SV2B: variants seen among roughly 807,000 people sequenced by gnomAD.
SV2B encodes the protein solute carrier family 22 member B2.
In SV2B, 41 loss-of-function variants were observed where a neutral mutation model predicts 73.9. The ratio of observed to expected loss-of-function variants is 0.56; its 90% CI spans 0.43 to 0.72. The LOEUF (loss-of-function observed/expected upper bound fraction) is 0.72. SV2B is among the 30% of genes least tolerant of loss of function. The probability of loss-of-function intolerance (pLI) is 0.00; values close to 1 mark genes in which losing one functional copy is unlikely to be tolerated. For missense variants in SV2B, 764 were observed against 857.8 expected (o/e 0.89, Z 1.37); for synonymous variants, 314 against 314.2 (o/e 1.00, Z 0.01).
At chr15:91,164,514 A>G (rs1441699277) in intron 1 of SV2B, among the ~76,000 whole-genome samples, 2 of 152,194 alleles carry the variant, frequency 1.3e-5, no homozygotes, top group African/African-American at 4.8e-5. Context: ...TAAAGAGTTT[A>G]TGTAATTGTC....
Position 91,283,182 on chromosome 15 carries a change from C to T in SV2B, c.1508-839C>T, listed in dbSNP as rs189880821. On this transcript the variant is annotated intron_variant, in intron 10 of 12. Transcript: ENST00000394232. The surrounding 1 kb of genome is among the most constrained non-coding windows in gnomAD (Gnocchi z 4.3). Reference sequence around the variant, plus strand: ...CTGTTTAGTACTTTTTCTGTCAGAACAGCTGATCTTAGAAGGTGTCAGAAG... The same window carrying T: ...CTGTTTAGTACTTTTTCTGTCAGAATAGCTGATCTTAGAAGGTGTCAGAAG... Among the ~76,000 whole-genome samples the T allele has an allele frequency of 6.6e-6, 1 of 152,358 alleles. No homozygotes were observed. Among genetic ancestry groups the T allele is most frequent in the African/African-American group, 2.4e-5 (1 of 41,588 alleles).
intron 1 of SV2B, among the ~76,000 whole-genome samples, chr15:91,211,507 C>CT (rs1338583137): frequency 0.021 from 2,896 of 140,006 alleles, 76 homozygotes; most frequent in African/African-American, 0.059. Flanking sequence ...CTTCTTCTTC[C>CT]TTTTTTTTTT....
chr15:91,258,642 C>T lies in SV2B; in HGVS notation c.918+88C>T, dbSNP rs1596714970. The stretch of plus-strand genomic sequence containing the variant: ...TTCCTTCTCTCAGCTCCTAGTCCCA[C>T]ATCCTCTGCTGCTTATGTGTTGCAA... On this transcript the variant is annotated intron_variant, in intron 5 of 12. Coordinates refer to ENST00000394232, the MANE Select transcript of SV2B (RefSeq NM_001323032.3). The surrounding 1 kb of genome is among the most constrained non-coding windows in gnomAD (Gnocchi z 4.7). 2 of 1,575,932 alleles carry T rather than the reference C, an allele frequency of 1.3e-6. No homozygotes were observed. Among genetic ancestry groups the T allele is most frequent in the East Asian group, 4.5e-5 (2 of 44,558 alleles).
At chr15:91,143,342 A>G (rs2043052104) in intron 1 of SV2B, among the ~76,000 whole-genome samples, 1 of 152,216 alleles carries the variant, frequency 6.6e-6, no homozygotes, top group Admixed American at 6.5e-5. Flanking sequence ...GTTGATTGTC[A>G]TGCACACCCA....
In SV2B at chr15:91,295,210, T is replaced by C. The variant is rs1238199705; in HGVS notation, c.*2658T>C. On this transcript the variant is annotated 3_prime_UTR_variant, in exon 13 of 13. Coordinates refer to ENST00000394232, the MANE Select transcript of SV2B (RefSeq NM_001323032.3). ...CCAGCTTGGAAATAGTTGCTTTCCA[T>C]AGTCTCAACTGTATTGTGTCATCTC... 1 of 152,336 alleles carries C rather than the reference T, an allele frequency of 6.6e-6. No individual in the cohort carries two copies. The highest frequency in any genetic ancestry group is 1.5e-5 in the Non-Finnish European group (1 of 68,050). The allele number at this position is 152,336 out of a possible 1,614,324, so 9.4% of individuals were successfully genotyped here. A position where few individuals can be genotyped will look rare whatever the true frequency, so the allele number is the denominator to read the frequency against.
At chr15:91,170,440 A>C (rs1161513976) in intron 1 of SV2B, among the ~76,000 whole-genome samples, 1 of 152,174 alleles carries the variant, frequency 6.6e-6, no homozygotes, top group Non-Finnish European at 1.5e-5. Context: ...GGCATGTGCC[A>C]CCACACCCAG....
chr15:91,210,501 G>A (rs556319487), intron 1 of SV2B, among the ~76,000 whole-genome samples: 31 of 152,280 alleles, frequency 2.0e-4, no homozygotes, highest in Admixed American at 3.3e-4. Context: ...GGCAAATTGA[G>A]ACATAAAGAG....
chr15:91,188,940 C>T (rs1368953746), intron 1 of SV2B, among the ~76,000 whole-genome samples: 2 of 152,106 alleles, frequency 1.3e-5, no homozygotes, highest in African/African-American at 2.4e-5. Context: ...GATTCTCTAG[C>T]CTCGGCCTCC....
Position 91,266,847 on chromosome 15 carries a change from A to T in SV2B, c.1119+155A>T, listed in dbSNP as rs1440509038. The T allele has an allele frequency of 7.1e-6, 4 of 561,770 alleles. No homozygotes were observed. The East Asian group carries it at 1.2e-4, about 17-fold the overall frequency. 34.8% of individuals were successfully genotyped at this position (561,770 alleles called of 1,614,324 possible). ...GAGGGGGGCGTTTGGGCTCCAGCCCACGTCTGCCTCTAGCTTGCTGTGTGC... is the reference window on the plus strand; with the variant it reads ...GAGGGGGGCGTTTGGGCTCCAGCCCTCGTCTGCCTCTAGCTTGCTGTGTGC... On this transcript the variant is annotated intron_variant, in intron 7 of 12. Coordinates refer to ENST00000394232, the MANE Select transcript of SV2B (RefSeq NM_001323032.3).
Position 91,258,311 on chromosome 15 carries a change from C to T in SV2B, c.785-110C>T, listed in dbSNP as rs771801131. 4.5e-5 allele frequency: 66 copies of T among 1,479,910 alleles called. No individual in the cohort carries two copies. The Middle Eastern group carries it at 6.2e-4, about 14-fold the overall frequency. 91.7% of individuals were successfully genotyped at this position (1,479,910 alleles called of 1,614,324 possible). ...GGAGTCTGCATTTTAACCACCTCCC[C>T]GGGTGACTCTCTTGTGCCCTGAAGT... On this transcript the variant is annotated intron_variant, in intron 4 of 12. Coordinates refer to ENST00000394232, the MANE Select transcript of SV2B (RefSeq NM_001323032.3). The surrounding 1 kb of genome is among the most constrained non-coding windows in gnomAD (Gnocchi z 4.7).
rs2046303465 is a variant in SV2B, at chr15:91,224,166, A to G, written c.-391-1707A>G. On this transcript the variant is annotated intron_variant, in intron 1 of 12. Transcript: ENST00000394232. This position sits in a 1 kb window ranked among gnomAD's most constrained non-coding sequence, Gnocchi z 4.9. ...CCAGGGATGGGCTGTGGGCAGAGGGAGGAGTCAAGTAGCCATGGTGAGGAC... is the reference window on the plus strand; with the variant it reads ...CCAGGGATGGGCTGTGGGCAGAGGGGGGAGTCAAGTAGCCATGGTGAGGAC... Among the ~76,000 whole-genome samples the G allele has an allele frequency of 6.6e-6, 1 of 152,170 alleles. No homozygotes were observed. The highest frequency in any genetic ancestry group is 1.5e-5 in the Non-Finnish European group (1 of 68,028).
chr15:91,166,462 T>A (rs866410991), intron 1 of SV2B, among the ~76,000 whole-genome samples: 16 of 152,196 alleles, frequency 1.1e-4, no homozygotes, highest in African/African-American at 3.6e-4. Context: ...TCACTAAACT[T>A]CTTGAATATG....
intron 1 of SV2B, among the ~76,000 whole-genome samples, chr15:91,168,338 A>C (rs933364717): frequency 1.1e-5 from 1 of 92,444 alleles, no homozygotes; most frequent in African/African-American, 4.0e-5. Context: ...GAGAAAAGAA[A>C]TTTCTCACAC....
chr15:91,186,069 G>A (rs2044758106), intron 1 of SV2B, among the ~76,000 whole-genome samples: 1 of 152,072 alleles, frequency 6.6e-6, no homozygotes, highest in Non-Finnish European at 1.5e-5. Context: ...TTACACAATG[G>A]TATTATTCTT....
intron 1 of SV2B, among the ~76,000 whole-genome samples, chr15:91,165,117 A>G (rs2043864858): frequency 6.6e-6 from 1 of 152,078 alleles, no homozygotes; most frequent in African/African-American, 2.4e-5. Context: ...TGGGTGGATC[A>G]CCTGAGGTCA....
intron 1 of SV2B, among the ~76,000 whole-genome samples, chr15:91,177,464 T>C (rs1208258940): frequency 6.6e-6 from 1 of 151,534 alleles, no homozygotes; most frequent in East Asian, 1.9e-4. Flanking sequence ...TGGCATTGAA[T>C]CTATAAATTA....
intron 1 of SV2B, among the ~76,000 whole-genome samples, chr15:91,103,885 G>A (rs946290306): frequency 2.0e-5 from 3 of 152,200 alleles, no homozygotes; most frequent in Admixed American, 1.3e-4. Flanking sequence ...CTGTCTTTCC[G>A]GGCCACGTCA....
In SV2B at chr15:91,223,659, C is replaced by A. The variant is rs563768793; in HGVS notation, c.-391-2214C>A. 6.6e-6 allele frequency among the ~76,000 whole-genome samples: 1 copy of A among 152,336 alleles called. No individual in the cohort carries two copies. Among genetic ancestry groups the A allele is most frequent in the African/African-American group, 2.4e-5 (1 of 41,570 alleles). On this transcript the variant is annotated intron_variant, in intron 1 of 12. Coordinates refer to ENST00000394232, the MANE Select transcript of SV2B (RefSeq NM_001323032.3). This position sits in a 1 kb window ranked among gnomAD's most constrained non-coding sequence, Gnocchi z 4.6. ...GCTCTGCAAACTCTCCTGCTGTTTA[C>A]ATGTGACTTATATTCCGCCGGTGGT...
At chr15:91,233,690 T>C (rs1596643228) in intron 2 of SV2B, among the ~76,000 whole-genome samples, 1 of 120,122 alleles carries the variant, frequency 8.3e-6, no homozygotes, top group East Asian at 1.9e-4. Context: ...GCATCCTCTC[T>C]GCCCCCATTC....
Sources: allele counts gnomAD v4.1 joint callset (sites outside exome capture counted in the v4.1 genomes callset), GRCh38; gene constraint gnomAD v4.1.1; non-coding constraint Gnocchi (gnomAD v3.1); transcripts MANE v1.5; gene names NCBI Gene and HGNC (gene_info 2026-07-23, HGNC 2026-07-21).